DCUN1D2: variants seen among roughly 807,000 people sequenced by gnomAD.
The protein encoded by DCUN1D2 is DCN1-like protein 2.
Under a neutral mutation model 30.9 loss-of-function variants are expected in DCUN1D2, and 29 were observed. That is an observed-to-expected ratio of 0.94 (90% CI 0.70 to 1.28). The LOEUF (loss-of-function observed/expected upper bound fraction) is 1.28, where lower values mean the gene tolerates loss of function less well. DCUN1D2 is among the 50% of genes most tolerant of loss of function. The pLI is 0.00. For synonymous variants in DCUN1D2, 121 were observed against 115.3 expected (o/e 1.05, Z -0.32); for missense variants, 325 against 316.9 (o/e 1.03, Z -0.19).
chr13:113,469,773 A>C (rs532676399), intron 4 of DCUN1D2, among the ~76,000 whole-genome samples: 14 of 148,130 alleles, frequency 9.5e-5, no homozygotes, highest in Non-Finnish European at 2.1e-4. Context: ...CAAGAATTCG[A>C]GGCTGCAGTG....
chr13:113,485,159 C>A (rs1280858191), intron 1 of DCUN1D2, among the ~76,000 whole-genome samples: 2 of 152,138 alleles, frequency 1.3e-5, no homozygotes, highest in Non-Finnish European at 2.9e-5. Flanking sequence ...ACACTAACTT[C>A]TCTAAATCCA....
rs142887814 is a variant in DCUN1D2, at chr13:113,467,763, G to A, written c.520+6361C>T. Among the ~76,000 whole-genome samples, 272 of 152,278 alleles carry A rather than the reference G, an allele frequency of 1.8e-3. 2 individuals are homozygous for A. The highest frequency in any genetic ancestry group is 6.2e-3 in the African/African-American group (256 of 41,552). On this transcript the variant is annotated intron_variant, in intron 4 of 6. Coordinates refer to ENST00000478244, the MANE Select transcript of DCUN1D2 (RefSeq NM_001014283.2). ...ATATACCCAAAAGAATTAAAAGCGGGCCGGGCGCGGTGGCTCATGCCTGTA... is the reference window on the plus strand; with the variant it reads ...ATATACCCAAAAGAATTAAAAGCGGACCGGGCGCGGTGGCTCATGCCTGTA...
chr13:113,486,141 C>T (rs1158271027), intron 1 of DCUN1D2, among the ~76,000 whole-genome samples: 1 of 152,060 alleles, frequency 6.6e-6, no homozygotes, highest in Non-Finnish European at 1.5e-5. Context: ...AAATGTGCTA[C>T]ATATATACCA....
intron 3 of DCUN1D2, 95 bp from the exon 4 acceptor site, chr13:113,474,349 C>T: frequency 6.7e-7 from 1 of 1,502,104 alleles, no homozygotes; most frequent in Non-Finnish European, 9.0e-7. Context: ...AGGCACGCAG[C>T]TCCAGCTGGA....
Position 113,490,678 on chromosome 13 carries a change from C to T in DCUN1D2, c.-9G>A. 8.0e-7 allele frequency: 1 copy of T among 1,244,978 alleles called. No individual in the cohort carries two copies. The highest frequency in any genetic ancestry group is 1.0e-6 in the Non-Finnish European group (1 of 993,098). 77.1% of individuals were successfully genotyped at this position (1,244,978 alleles called of 1,614,324 possible). On this transcript the variant is annotated 5_prime_UTR_variant, in exon 1 of 7. Coordinates refer to ENST00000478244, the MANE Select transcript of DCUN1D2 (RefSeq NM_001014283.2). This position sits in a 1 kb window ranked among gnomAD's most constrained non-coding sequence, Gnocchi z 5.2. ...GCCGGGCCACCTACCATCTCCCCCG[C>T]GCCGCCCGCTTCTGGCCGGCCCCGG...
intron 4 of DCUN1D2, among the ~76,000 whole-genome samples, chr13:113,465,814 A>C (rs1053615366): frequency 6.6e-6 from 1 of 151,446 alleles, no homozygotes; most frequent in African/African-American, 2.4e-5. Flanking sequence ...CTACAGGTGC[A>C]CACCACCACA....
chr13:113,481,940 A>G (rs1408661786), intron 2 of DCUN1D2, among the ~76,000 whole-genome samples: 2 of 152,064 alleles, frequency 1.3e-5, no homozygotes, highest in Non-Finnish European at 2.9e-5. Context: ...ATTCTCTTAT[A>G]TCAGGGAGAA....
chr13:113,465,658 T>C (rs1186399863), intron 4 of DCUN1D2, among the ~76,000 whole-genome samples: 2 of 149,558 alleles, frequency 1.3e-5, no homozygotes, highest in African/African-American at 5.0e-5. Flanking sequence ...CATTATTCTC[T>C]TGTCTATTTG....
In DCUN1D2 at chr13:113,468,312, T is replaced by TGGTCCCAA. The variant is rs571664929; in HGVS notation, c.520+5811_520+5812insTTGGGACC. Among the ~76,000 whole-genome samples, 8 of 151,856 alleles carry TGGTCCCAA rather than the reference T, an allele frequency of 5.3e-5. 1 individual carries two copies. The South Asian group carries it at 1.7e-3, about 32-fold the overall frequency. ...TACATACTGTGTGATTCCACTTACG[T>TGGTCCCAA]GAGGTCCCAAGAGGAGTCAACTCCA... On this transcript the variant is annotated intron_variant, in intron 4 of 6. Transcript: ENST00000478244.
At chr13:113,459,469 T>C in intron 5 of DCUN1D2, 61 bp from the exon 6 acceptor site, 1 of 775,268 alleles carries the variant, frequency 1.3e-6, no homozygotes, top group Non-Finnish European at 2.3e-6. Flanking sequence ...AACTCTCATA[T>C]ATTCTAGTGG....
At chr13:113,473,109 C>T (rs1347675217) in intron 4 of DCUN1D2, among the ~76,000 whole-genome samples, 1 of 148,516 alleles carries the variant, frequency 6.7e-6, no homozygotes, top group Non-Finnish European at 1.5e-5. Flanking sequence ...TGCCTCTGTC[C>T]CTCTGTCCCC....
chr13:113,470,747 A>T (rs2044491306), intron 4 of DCUN1D2, among the ~76,000 whole-genome samples: 2 of 150,764 alleles, frequency 1.3e-5, no homozygotes, highest in African/African-American at 4.9e-5. Context: ...CCAACTCCAC[A>T]GGGGACCCAA....
intron 4 of DCUN1D2, among the ~76,000 whole-genome samples, chr13:113,467,624 G>C (rs928946653): frequency 1.3e-5 from 2 of 152,138 alleles, no homozygotes; most frequent in Non-Finnish European, 2.9e-5. Flanking sequence ...GATGTGCAGA[G>C]GTTGGATGCT....
intron 5 of DCUN1D2, among the ~76,000 whole-genome samples, chr13:113,460,849 G>A (rs529100152): frequency 3.3e-5 from 5 of 152,314 alleles, no homozygotes; most frequent in Admixed American, 2.0e-4. Context: ...AGGAGGCCCC[G>A]GAGTGGCCCC....
Position 113,458,125 on chromosome 13 carries a change from A to T in DCUN1D2, c.701-17T>A, listed in dbSNP as rs750732790. The T allele has an allele frequency of 4.3e-6, 7 of 1,610,992 alleles. No homozygotes were observed. Among genetic ancestry groups the T allele is most frequent in the Non-Finnish European group, 5.9e-6 (7 of 1,177,292 alleles). On this transcript the variant is annotated splice_polypyrimidine_tract_variant and intron_variant, in intron 6 of 6. Coordinates refer to ENST00000478244, the MANE Select transcript of DCUN1D2 (RefSeq NM_001014283.2). Reference sequence around the variant, plus strand: ...GCCAAGCTCCTAAAGGAAAGCAAGCAAACAGAAAACCCGTTAGAGCACCGT... The same window carrying T: ...GCCAAGCTCCTAAAGGAAAGCAAGCTAACAGAAAACCCGTTAGAGCACCGT...
intron 4 of DCUN1D2, among the ~76,000 whole-genome samples, chr13:113,467,900 C>T (rs895853064): frequency 5.9e-5 from 9 of 151,864 alleles, no homozygotes; most frequent in South Asian, 2.1e-4. Context: ...AAAAATTAGC[C>T]GGGCGTGGTG....
intron 4 of DCUN1D2, among the ~76,000 whole-genome samples, chr13:113,466,596 G>A (rs113291661): frequency 1.2e-4 from 18 of 152,250 alleles, no homozygotes; most frequent in African/African-American, 3.6e-4. Context: ...AAATTTCAGC[G>A]TAGGTTTTCA....
chr13:113,473,991 C>G, intron 4 of DCUN1D2, 133 bp downstream of exon 4: 1 of 1,100,212 alleles, frequency 9.1e-7, no homozygotes. Flanking sequence ...GGTGACAGAG[C>G]AAGACCGTAT....
intron 1 of DCUN1D2, among the ~76,000 whole-genome samples, chr13:113,489,947 A>G (rs2044904495): frequency 2.0e-5 from 3 of 151,960 alleles, no homozygotes; most frequent in Non-Finnish European, 4.4e-5. Context: ...CAACTCCCTC[A>G]ACGCCAAGAT....
Sources: gnomAD v4.1 joint callset for allele counts (sites outside exome capture counted in the v4.1 genomes callset) on GRCh38, gnomAD v4.1.1 for gene constraint, Gnocchi (gnomAD v3.1) non-coding constraint, MANE v1.5 for transcripts, NCBI Gene and HGNC (gene_info 2026-07-23, HGNC 2026-07-21) for gene names.